LRP1: variants seen among roughly 807,000 people sequenced by gnomAD.
LRP1 encodes the protein LDL receptor related protein 1, also known as prolow-density lipoprotein receptor-related protein 1.
A neutral mutation model predicts 541.5 loss-of-function variants in LRP1; 51 were observed. The ratio of observed to expected loss-of-function variants is 0.09; its 90% CI spans 0.08 to 0.12. LRP1 has a LOEUF of 0.12. LRP1 is among the 10% of genes least tolerant of loss of function. The pLI is 1.00. For synonymous variants in LRP1, 2,219 were observed against 2,470.8 expected, an observed-to-expected ratio of 0.90 and a Z score of 3.02; for missense variants, 3,878 against 6,376.2, an observed-to-expected ratio of 0.61 and a Z score of 13.34.
intron 15 of LRP1, among the ~76,000 whole-genome samples, chr12:57,163,266 A>T (rs1204572531): frequency 6.6e-6 from 1 of 152,244 alleles, no homozygotes; most frequent in African/African-American, 2.4e-5. Context: ...ATTATCCTTC[A>T]CTTCTTTTAA....
rs1200828354 is a variant in LRP1, at chr12:57,154,227, C to T, written c.861C>T (p.Ile287=). 6 of 1,613,924 alleles carry T rather than the reference C, an allele frequency of 3.7e-6. No homozygotes were observed. The highest frequency in any genetic ancestry group is 1.3e-5 in the African/African-American group (1 of 74,946). Residue 287 remains isoleucine (I), a synonymous_variant, in exon 7 of 89, where the codon ATC becomes ATT. Transcript: ENST00000243077. The surrounding 1 kb of genome is among the most constrained non-coding windows in gnomAD (Gnocchi z 4.6). ...LSLHHVEQMA[I]DWLTGNFYFV... ...CTCCAGACGTGGAACAGATGGCCAT[C>T]GACTGGCTGACAGGCAACTTCTACT...
At position 57,185,817 on chromosome 12, in the gene LRP1, C is replaced by T. The variant is rs765774761; in HGVS notation, c.6750C>T (p.Gly2250=). 47 of 1,614,200 alleles carry T rather than the reference C, an allele frequency of 2.9e-5. No individual in the cohort carries two copies. Among genetic ancestry groups the T allele is most frequent in the Non-Finnish European group, 3.9e-5 (46 of 1,180,034 alleles). The change falls in exon 41 of 89, where the codon GGC becomes GGT. Residue 2250 remains glycine (G), a synonymous_variant. Coordinates refer to ENST00000243077, the MANE Select transcript of LRP1 (RefSeq NM_002332.3). This position sits in a 1 kb window ranked among gnomAD's most constrained non-coding sequence, Gnocchi z 4.9. Reference sequence around the variant, plus strand: ...ACTACCGGGCAGGCACCTCTCCGGGCACCCCCAATCGCATCTTCTTCAGCG... The same window carrying T: ...ACTACCGGGCAGGCACCTCTCCGGGTACCCCCAATCGCATCTTCTTCAGCG... The part of the protein sequence containing the change: ...AFDYRAGTSP[G]TPNRIFFSDI...
intron 6 of LRP1, among the ~76,000 whole-genome samples, chr12:57,152,562 G>C (rs1230146448): frequency 1.3e-5 from 2 of 152,126 alleles, no homozygotes; most frequent in African/African-American, 4.8e-5. Context: ...AAAGAATTTG[G>C]TTGCCTTACC....
rs1042620666 is a variant in LRP1, at chr12:57,194,150, G to A, written c.7918+138G>A. Reference sequence around the variant, plus strand: ...CCGCTGACAGCCTCCATCTCCCTGAGGCCCTGTCCCCATCCCGCTCCTGCT... The same window carrying A: ...CCGCTGACAGCCTCCATCTCCCTGAAGCCCTGTCCCCATCCCGCTCCTGCT... On this transcript the variant is annotated intron_variant, in intron 48 of 88. Coordinates refer to ENST00000243077, the MANE Select transcript of LRP1 (RefSeq NM_002332.3). 6 of 996,510 alleles carry A rather than the reference G, an allele frequency of 6.0e-6. No homozygotes were observed. The Admixed American group carries it at 1.3e-4, about 22-fold the overall frequency. The allele number at this position is 996,510 out of a possible 1,614,324, so 61.7% of individuals were successfully genotyped here. A position where few individuals can be genotyped will look rare whatever the true frequency, so the allele number is the denominator to read the frequency against.
chr12:57,150,540 G>A (rs142297403), intron 6 of LRP1, among the ~76,000 whole-genome samples: 40 of 152,272 alleles, frequency 2.6e-4, no homozygotes, highest in South Asian at 1.2e-3. Flanking sequence ...AGCCTGAGCC[G>A]AGTCTTGACG....
In LRP1 at chr12:57,177,513, G is replaced by A. The variant is rs567454060; in HGVS notation, c.4283G>A (p.Arg1428Gln). 6.8e-5 allele frequency: 109 copies of A among 1,613,908 alleles called. No homozygotes were observed. The highest frequency in any genetic ancestry group is 1.6e-4 in the Middle Eastern group (1 of 6,062). Reference sequence around the variant, plus strand: ...GGGGCTGGGCGCCGCACCGTGCACCGGGAGACCGGCTCTGGGGGCTGGCCC... The same window carrying A: ...GGGGCTGGGCGCCGCACCGTGCACCAGGAGACCGGCTCTGGGGGCTGGCCC... ...MSGAGRRTVH[R>Q]ETGSGGWPNG... The change falls in exon 26 of 89, where the codon CGG becomes CAG. Residue 1428 changes from arginine to glutamine, a missense_variant. By Grantham distance (43) the Arg-to-Gln change is conservative (BLOSUM62 1). Around this residue, in one of 13 missense-constraint regions of LRP1, gnomAD observed 16 missense variants for 18.4 expected, o/e 0.87. Coordinates refer to ENST00000243077, the MANE Select transcript of LRP1 (RefSeq NM_002332.3). This position sits in a 1 kb window ranked among gnomAD's most constrained non-coding sequence, Gnocchi z 6.8.
intron 6 of LRP1, chr12:57,149,201 C>T (rs2035477226): frequency 2.3e-6 from 1 of 440,452 alleles, no homozygotes; most frequent in Non-Finnish European, 4.0e-6. Flanking sequence ...TAACCATGCC[C>T]ATCCTTGGCC....
At chr12:57,191,562 G>A in intron 44 of LRP1, 50 bp downstream of exon 44, 1 of 1,519,920 alleles carries the variant, frequency 6.6e-7, no homozygotes, top group Non-Finnish European at 8.9e-7. Context: ...GTCGTGCATG[G>A]ACATACAAAC....
chr12:57,178,233 G>C lies in LRP1; in HGVS notation c.4362-126G>C. ...CTGCTCTGGCCAGCAAGGCTTAGGG[G>C]AGGGAATGGTCCCATGCTCTTCGCT... On this transcript the variant is annotated intron_variant, in intron 26 of 88. Transcript: ENST00000243077. This position sits in a 1 kb window ranked among gnomAD's most constrained non-coding sequence, Gnocchi z 5.8. 1 of 1,122,172 alleles carries C rather than the reference G, an allele frequency of 8.9e-7. No individual in the cohort carries two copies. Among genetic ancestry groups the C allele is most frequent in the Non-Finnish European group, 1.3e-6 (1 of 790,462 alleles). The allele number at this position is 1,122,172 out of a possible 1,614,324, so 69.5% of individuals were successfully genotyped here.
intron 4 of LRP1, chr12:57,144,494 C>T (rs554785916): frequency 5.2e-4 from 82 of 157,946 alleles, no homozygotes; most frequent in African/African-American, 1.8e-3. Context: ...CAAATGCCAC[C>T]TTCTCAGTGA....
intron 44 of LRP1, among the ~76,000 whole-genome samples, chr12:57,191,827 C>G (rs558688419): frequency 2.5e-4 from 23 of 92,420 alleles, no homozygotes; most frequent in East Asian, 1.5e-3. Context: ...ATATACCACA[C>G]CACACACATA....
Position 57,209,795 on chromosome 12 carries a change from C to G in LRP1, c.12366C>G (p.Pro4122=), listed in dbSNP as rs1399390048. ...VFKIHKFGHS[P]LVNLTGGLSH... ...AGATCCATAAGTTTGGCCACAGCCC[C>G]TTGGTCAACCTGACAGGGGGCCTGA... The change falls in exon 80 of 89, where the codon CCC becomes CCG. Residue 4122 remains proline (P), a synonymous_variant. Transcript: ENST00000243077. 1.8e-5 allele frequency: 29 copies of G among 1,614,234 alleles called. No individual in the cohort carries two copies. The highest frequency in any genetic ancestry group is 2.4e-5 in the Non-Finnish European group (28 of 1,180,032).
chr12:57,180,819 G>T lies in LRP1; in HGVS notation c.5527+12G>T. 2 of 1,612,934 alleles carry T rather than the reference G, an allele frequency of 1.2e-6. No individual in the cohort carries two copies. Among genetic ancestry groups the T allele is most frequent in the Non-Finnish European group, 1.7e-6 (2 of 1,179,918 alleles). On this transcript the variant is annotated intron_variant, in intron 33 of 88. Transcript: ENST00000243077. ...GAGCATCCAGCTGGGTAGGTGCGAG[G>T]CCGGGCGGCCGCTGGGGGCTCAGGG...
rs201079177 is a variant in LRP1 at position 57,208,160 on chromosome 12, G to T, written c.11982G>T (p.Thr3994=). Reference sequence around the variant, plus strand: ...AGATGAAGGGCGAGAACCGCAAGACGCTCATCTCGGGCATGATTGACGAGC... The same window carrying T: ...AGATGAAGGGCGAGAACCGCAAGACTCTCATCTCGGGCATGATTGACGAGC... ...VAQMKGENRK[T]LISGMIDEPH... is the part of the protein sequence containing the mutation. The change falls in exon 77 of 89, where the codon ACG becomes ACT. Residue 3994 remains threonine, a synonymous_variant. Transcript: ENST00000243077. 1 of 1,614,138 alleles carries T rather than the reference G, an allele frequency of 6.2e-7. No homozygotes were observed. Among genetic ancestry groups the T allele is most frequent in the Non-Finnish European group, 8.5e-7 (1 of 1,180,036 alleles).
intron 6 of LRP1, among the ~76,000 whole-genome samples, chr12:57,148,547 G>A (rs1374288640): frequency 6.6e-6 from 1 of 152,088 alleles, no homozygotes; most frequent in East Asian, 1.9e-4. Context: ...AGGCCTGGTG[G>A]TGCAGTCTAC....
At chr12:57,188,322 T>G (rs1280612409) in intron 42 of LRP1, among the ~76,000 whole-genome samples, 1 of 152,210 alleles carries the variant, frequency 6.6e-6, no homozygotes, top group Non-Finnish European at 1.5e-5. Context: ...TCAGCAGTGC[T>G]TGGAATGTTT....
chr12:57,161,547 C>T (rs1329577719), intron 13 of LRP1, among the ~76,000 whole-genome samples: 6 of 152,044 alleles, frequency 3.9e-5, no homozygotes, highest in East Asian at 1.9e-4. Flanking sequence ...GAGTCATGTA[C>T]GTGTTCTAGT....
intron 20 of LRP1, among the ~76,000 whole-genome samples, chr12:57,172,416 G>A (rs2035964446): frequency 6.6e-6 from 1 of 152,238 alleles, no homozygotes; most frequent in East Asian, 1.9e-4. Context: ...TGATCCGCCC[G>A]CCTTGGCATC....
In LRP1 at chr12:57,194,088, TG is replaced by T. The variant is rs1426914169; in HGVS notation, c.7918+77del. 1.6e-5 allele frequency: 21 copies of T among 1,318,158 alleles called. No homozygotes were observed. In the African/African-American group the frequency reaches 2.7e-4, roughly 17 times the overall value. 81.7% of individuals were successfully genotyped at this position (1,318,158 alleles called of 1,614,324 possible). The stretch of plus-strand genomic sequence containing the variant: ...TGCATCTCCCGCCTTCAGGCCCTCC[TG>T]CACCTGCCCACATTCCTCTCTGCCT... On this transcript the variant is annotated intron_variant, in intron 48 of 88. Coordinates refer to ENST00000243077, the MANE Select transcript of LRP1 (RefSeq NM_002332.3).
Sources: allele counts gnomAD v4.1 joint callset (sites outside exome capture counted in the v4.1 genomes callset), GRCh38; gene constraint gnomAD v4.1.1; regional missense constraint gnomAD v4.1.1; non-coding constraint Gnocchi (gnomAD v3.1); transcripts MANE v1.5; gene names NCBI Gene and HGNC (gene_info 2026-07-23, HGNC 2026-07-21).